UGT2A1: variants seen among roughly 807,000 people sequenced by gnomAD.
The protein encoded by UGT2A1 is UDP-glucuronosyltransferase 2A1.
Under a neutral mutation model 45.4 loss-of-function variants are expected in UGT2A1, and 61 were observed. The observed-to-expected ratio is 1.34, with a 90% confidence interval of 1.09 to 1.66. The LOEUF is 1.66. UGT2A1 is among the 40% of genes most tolerant of loss of function. The pLI is 0.00. For synonymous variants in UGT2A1, 229 were observed against 196.2 expected (o/e 1.17, Z -1.40); for missense variants, 649 against 574.3 (o/e 1.13, Z -1.33).
chr4:69,618,150 A>G (rs1324168770), intron 3 of UGT2A1, among the ~76,000 whole-genome samples: 1 of 151,498 alleles, frequency 6.6e-6, no homozygotes, highest in Non-Finnish European at 1.5e-5. Context: ...TAATTCTATG[A>G]GAAAATATTA....
At chr4:69,625,705 TAAATTTAAAATTTACATA>T (rs1721017323) in intron 3 of UGT2A1, among the ~76,000 whole-genome samples, 1 of 151,472 alleles carries the variant, frequency 6.6e-6, no homozygotes, top group African/African-American at 2.4e-5. Context: ...AGCACTTATG[TAAATTTAAAATTTACATA>T]CAGAAATACA....
intron 4 of UGT2A1, among the ~76,000 whole-genome samples, chr4:69,596,657 G>A (rs1322532784): frequency 1.3e-5 from 2 of 152,080 alleles, no homozygotes; most frequent in Non-Finnish European, 2.9e-5. Context: ...GAGTAACTGG[G>A]ATTATAGTCT....
intron 6 of UGT2A1, among the ~76,000 whole-genome samples, chr4:69,591,634 A>G (rs1718603575): frequency 6.6e-6 from 1 of 152,012 alleles, no homozygotes; most frequent in Non-Finnish European, 1.5e-5. Flanking sequence ...CCTGAAACAG[A>G]CTCTCAGGTT....
intron 3 of UGT2A1, among the ~76,000 whole-genome samples, chr4:69,617,670 T>C (rs1185395726): frequency 6.6e-6 from 1 of 151,782 alleles, no homozygotes; most frequent in Non-Finnish European, 1.5e-5. Flanking sequence ...ACATACAGGG[T>C]CCATTAAGAC....
At position 69,632,974 on chromosome 4, in the gene UGT2A1, C is replaced by T. The variant is rs144463136; in HGVS notation, c.847+2717G>A. Among the ~76,000 whole-genome samples, 317 of 151,606 alleles carry T rather than the reference C, an allele frequency of 2.1e-3. 3 individuals are homozygous for T. The highest frequency in any genetic ancestry group is 7.3e-3 in the African/African-American group (302 of 41,282). ...TGCACTAGAGATTCTTGATGGCTTACAAACCGGACGTGGGTGACAATTTAA... is the reference window on the plus strand; with the variant it reads ...TGCACTAGAGATTCTTGATGGCTTATAAACCGGACGTGGGTGACAATTTAA... On this transcript the variant is annotated intron_variant, in intron 3 of 6. Transcript: ENST00000286604.
chr4:69,603,256 C>T (rs1191824469), intron 3 of UGT2A1, among the ~76,000 whole-genome samples: 2 of 134,716 alleles, frequency 1.5e-5, no homozygotes, highest in Non-Finnish European at 3.1e-5. Context: ...ATTATTTTAC[C>T]AGATATCAAG....
At chr4:69,615,959 A>C (rs929378163) in intron 3 of UGT2A1, among the ~76,000 whole-genome samples, 2 of 152,082 alleles carry the variant, frequency 1.3e-5, no homozygotes, top group Non-Finnish European at 2.9e-5. Context: ...CTGTACACCC[A>C]TGTTTATTGC....
chr4:69,593,555 T>C (rs1718709849), intron 6 of UGT2A1, among the ~76,000 whole-genome samples: 1 of 149,404 alleles, frequency 6.7e-6, no homozygotes, highest in South Asian at 2.1e-4. Flanking sequence ...GCTATATATA[T>C]AGACTTATAT....
chr4:69,617,858 A>G (rs1008453834), intron 3 of UGT2A1, among the ~76,000 whole-genome samples: 3 of 151,944 alleles, frequency 2.0e-5, no homozygotes, highest in Non-Finnish European at 4.4e-5. Context: ...TGTCTTATGT[A>G]AAAATCTTCA....
chr4:69,643,696 TC>T (rs1166260020), intron 2 of UGT2A1, among the ~76,000 whole-genome samples: 2 of 151,630 alleles, frequency 1.3e-5, no homozygotes, highest in Non-Finnish European at 3.0e-5. Context: ...GATTAAGGAC[TC>T]ACTCTGACCT....
rs894454989 is a variant in UGT2A1, at chr4:69,605,457, C to T, written c.848-6063G>A. Among the ~76,000 whole-genome samples the T allele has an allele frequency of 2.2e-5, 3 of 136,626 alleles. 1 individual carries two copies. Among genetic ancestry groups the T allele is most frequent in the African/African-American group, 8.9e-5 (3 of 33,624 alleles). 89.6% of individuals were successfully genotyped at this position (136,626 alleles called of 152,430 possible). A position where few individuals can be genotyped will look rare whatever the true frequency, so the allele number is the denominator to read the frequency against. On this transcript the variant is annotated intron_variant, in intron 3 of 6. Transcript: ENST00000286604. ...GGAAATTTATAGCACTAAATGCCCA[C>T]AGAACAGAGCAGGAAAGATCTAAAA...
In UGT2A1 at chr4:69,647,366, T is replaced by A. The variant is rs1382779458; in HGVS notation, c.279A>T (p.Thr93=). 1 of 1,613,294 alleles carries A rather than the reference T, an allele frequency of 6.2e-7. No individual in the cohort carries two copies. The highest frequency in any genetic ancestry group is 8.5e-7 in the Non-Finnish European group (1 of 1,179,514). ...IEGVIKDFVL[T]WLENRPSPST... is the part of the protein sequence containing the mutation. ...AAGGAGATGGTCTATTTTCCAGCCA[T>A]GTCAAAACGAAGTCCTTAATTACTC... Residue 93 remains threonine, a synonymous_variant, in exon 2 of 7, where the codon ACA becomes ACT. Coordinates refer to ENST00000286604, the MANE Select transcript of UGT2A1 (RefSeq NM_001252275.3).
chr4:69,634,711 A>T (rs899489806), intron 3 of UGT2A1, among the ~76,000 whole-genome samples: 1 of 152,212 alleles, frequency 6.6e-6, no homozygotes, highest in Non-Finnish European at 1.5e-5. Flanking sequence ...GATAAAATTC[A>T]TCATCCTTTT....
intron 4 of UGT2A1, 86 bp from the exon 5 acceptor site, chr4:69,595,335 C>T: frequency 6.7e-7 from 1 of 1,494,998 alleles, no homozygotes; most frequent in Non-Finnish European, 9.2e-7. Flanking sequence ...ATCATTTAGC[C>T]AGCTACTTGG....
At chr4:69,629,990 T>C (rs1445673373) in intron 3 of UGT2A1, among the ~76,000 whole-genome samples, 1 of 152,082 alleles carries the variant, frequency 6.6e-6, no homozygotes, top group Non-Finnish European at 1.5e-5. Flanking sequence ...AATGTACAAG[T>C]ATACTTAAAA....
intron 3 of UGT2A1, among the ~76,000 whole-genome samples, chr4:69,615,200 C>A (rs565544578): frequency 7.4e-4 from 113 of 151,958 alleles, no homozygotes; most frequent in African/African-American, 2.6e-3. Flanking sequence ...ATCAAATCAC[C>A]CTGAAAAATT....
At chr4:69,639,645 C>T in intron 2 of UGT2A1, 2 of 1,548,106 alleles carry the variant, frequency 1.3e-6, no homozygotes, top group Non-Finnish European at 1.7e-6. Context: ...AACCATCCTA[C>T]TGTAGATCCT....
chr4:69,619,945 T>A (rs6855271), intron 3 of UGT2A1, among the ~76,000 whole-genome samples: 5 of 151,638 alleles, frequency 3.3e-5, no homozygotes, highest in Non-Finnish European at 7.4e-5. Context: ...GATACCTTTA[T>A]GCAAAAACTC....
intron 2 of UGT2A1, among the ~76,000 whole-genome samples, chr4:69,645,285 C>T (rs1722204663): frequency 6.6e-6 from 1 of 151,764 alleles, no homozygotes. Flanking sequence ...ATCACATACA[C>T]AGCATGTCCA....
Sources: allele counts gnomAD v4.1 joint callset (sites outside exome capture counted in the v4.1 genomes callset), GRCh38; gene constraint gnomAD v4.1.1; transcripts MANE v1.5; gene names NCBI Gene and HGNC (gene_info 2026-07-23, HGNC 2026-07-21).